Variants in MYRIP observed in about 807,000 individuals in gnomAD.
MYRIP encodes the protein rab effector MyRIP.
In MYRIP, 49 loss-of-function variants were observed where a neutral mutation model predicts 98.0. The ratio of observed to expected loss-of-function variants is 0.50; its 90% CI spans 0.40 to 0.63. MYRIP has a LOEUF of 0.63. Ranked by LOEUF, MYRIP falls within the 30% of genes least tolerant of loss-of-function variation. The pLI is 0.00. For missense variants in MYRIP, 1,004 were observed against 1,058.2 expected (o/e 0.95, Z 0.71); for synonymous variants, 404 against 409.5 (o/e 0.99, Z 0.16).
At chr3:39,928,868 G>A (rs528197154) in intron 2 of MYRIP, among the ~76,000 whole-genome samples, 28 of 152,036 alleles carry the variant, frequency 1.8e-4, no homozygotes, top group African/African-American at 6.0e-4. Context: ...AATGCATATA[G>A]TTTGGAAAGT....
At chr3:40,111,546 G>A (rs1345117123) in intron 3 of MYRIP, among the ~76,000 whole-genome samples, 1 of 152,112 alleles carries the variant, frequency 6.6e-6, no homozygotes, top group Non-Finnish European at 1.5e-5. Context: ...GTTGATGGGT[G>A]GGGGCAGTAT....
chr3:40,096,188 C>T (rs367796544), intron 3 of MYRIP, among the ~76,000 whole-genome samples: 3 of 152,136 alleles, frequency 2.0e-5, no homozygotes, highest in South Asian at 2.1e-4. Flanking sequence ...AATCCTAAAC[C>T]GGTGTTCCAT....
chr3:39,895,376 G>A (rs139934896), intron 1 of MYRIP, among the ~76,000 whole-genome samples: 7,275 of 151,760 alleles, frequency 0.048, 406 homozygotes, highest in African/African-American at 0.14. Flanking sequence ...TATTAGAGAC[G>A]GGGTTTCACC....
intron 3 of MYRIP, among the ~76,000 whole-genome samples, chr3:40,082,049 A>G (rs1948490513): frequency 1.3e-5 from 2 of 152,138 alleles, no homozygotes; most frequent in African/African-American, 4.8e-5. Flanking sequence ...TATATACCAC[A>G]TTTTCTTTAT....
chr3:40,111,468 A>G (rs1039646174), intron 3 of MYRIP, among the ~76,000 whole-genome samples: 8 of 152,222 alleles, frequency 5.3e-5, no homozygotes, highest in African/African-American at 1.9e-4. Context: ...CTCAAAGGAA[A>G]ACAAGATTAA....
At chr3:40,128,349 A>T (rs6766779) in intron 3 of MYRIP, among the ~76,000 whole-genome samples, 24,215 of 152,182 alleles carry the variant, frequency 0.16, 3,667 homozygotes, top group African/African-American at 0.38. Flanking sequence ...GCCTTCCTAC[A>T]GTCCAGTGGT....
At chr3:40,145,430 C>A (rs1463154254) in intron 3 of MYRIP, among the ~76,000 whole-genome samples, 2 of 152,186 alleles carry the variant, frequency 1.3e-5, no homozygotes, top group Non-Finnish European at 2.9e-5. Context: ...ACAAACCTCT[C>A]AATTTCATTT....
chr3:39,954,266 G>A (rs1945100676), intron 2 of MYRIP, among the ~76,000 whole-genome samples: 1 of 152,160 alleles, frequency 6.6e-6, no homozygotes, highest in African/African-American at 2.4e-5. Flanking sequence ...TCCCAGTAGG[G>A]GCCAATTGAC....
chr3:39,810,303 G>A (rs1034998189), intron 1 of MYRIP, among the ~76,000 whole-genome samples: 5 of 152,360 alleles, frequency 3.3e-5, no homozygotes, highest in Admixed American at 3.3e-4. Flanking sequence ...CATCCGTTAA[G>A]CGCCCCGCAA....
intron 2 of MYRIP, among the ~76,000 whole-genome samples, chr3:39,988,449 T>C (rs147852363): frequency 1.4e-3 from 206 of 152,288 alleles, no homozygotes; most frequent in African/African-American, 4.7e-3. Flanking sequence ...CGCTTACCAC[T>C]TTTTCCTTCA....
intron 3 of MYRIP, among the ~76,000 whole-genome samples, chr3:40,077,368 T>C (rs965119809): frequency 2.0e-5 from 3 of 152,198 alleles, no homozygotes; most frequent in South Asian, 2.1e-4. Flanking sequence ...AGCCTAGTGG[T>C]CTGTTTTGAC....
intron 2 of MYRIP, among the ~76,000 whole-genome samples, chr3:39,947,088 CAGTT>C (rs1944920929): frequency 6.6e-6 from 1 of 152,056 alleles, no homozygotes; most frequent in South Asian, 2.1e-4. Flanking sequence ...TTTAATATAA[CAGTT>C]TTAATACTAA....
intron 1 of MYRIP, among the ~76,000 whole-genome samples, chr3:39,879,092 A>G (rs1411034170): frequency 2.6e-5 from 4 of 151,348 alleles, no homozygotes; most frequent in African/African-American, 4.8e-5. Flanking sequence ...ATATATATCT[A>G]TATATCTATG....
At chr3:40,151,412 C>T (rs934213980) in intron 4 of MYRIP, among the ~76,000 whole-genome samples, 2 of 152,214 alleles carry the variant, frequency 1.3e-5, no homozygotes, top group African/African-American at 4.8e-5. Context: ...AAGTTAGAAG[C>T]TATGAAGACC....
intron 2 of MYRIP, among the ~76,000 whole-genome samples, chr3:39,916,290 C>T (rs913807357): frequency 6.6e-6 from 1 of 151,926 alleles, no homozygotes; most frequent in Non-Finnish European, 1.5e-5. Flanking sequence ...GTAACACTGT[C>T]TCAACTAAAA....
intron 2 of MYRIP, among the ~76,000 whole-genome samples, chr3:39,927,999 C>A (rs1034243315): frequency 6.6e-6 from 1 of 151,880 alleles, no homozygotes; most frequent in Non-Finnish European, 1.5e-5. Flanking sequence ...ATGAGAAACA[C>A]CCTCAACAAA....
At chr3:40,030,175 G>A (rs1947226997) in intron 2 of MYRIP, among the ~76,000 whole-genome samples, 1 of 151,532 alleles carries the variant, frequency 6.6e-6, no homozygotes, top group Non-Finnish European at 1.5e-5. Context: ...AGAAGGAAAT[G>A]GGCCAAAAAT....
intron 1 of MYRIP, among the ~76,000 whole-genome samples, chr3:39,820,404 G>A (rs1333910823): frequency 1.8e-5 from 2 of 110,176 alleles, no homozygotes; most frequent in Non-Finnish European, 3.8e-5. Context: ...GTTTCCTGAA[G>A]AGATCCCAGT....
At chr3:39,836,766 A>C (rs1941640309) in intron 1 of MYRIP, among the ~76,000 whole-genome samples, 1 of 152,212 alleles carries the variant, frequency 6.6e-6, no homozygotes, top group Admixed American at 6.5e-5. Flanking sequence ...GTATAGAATT[A>C]ACAACAGAAA....
Sources: allele counts gnomAD v4.1 joint callset (sites outside exome capture counted in the v4.1 genomes callset), GRCh38; gene constraint gnomAD v4.1.1; transcripts MANE v1.5; gene names NCBI Gene and HGNC (gene_info 2026-07-23, HGNC 2026-07-21).